The following ARHGAP6 variants were observed in gnomAD, a reference collection of about 807,000 sequenced individuals.
ARHGAP6 encodes the protein rho GTPase-activating protein 6.
Under a neutral mutation model 55.7 loss-of-function variants are expected in ARHGAP6, and 16 were observed. That is an observed-to-expected ratio of 0.29 (90% confidence interval 0.19 to 0.44). ARHGAP6 has a LOEUF of 0.44. ARHGAP6 is among the 20% of genes least tolerant of loss of function. ARHGAP6 has a pLI of 1.00. For missense variants in ARHGAP6, 698 were observed against 808.9 expected (o/e 0.86, Z 1.66); for synonymous variants, 382 against 360.9 (o/e 1.06, Z -0.66).
chrX:11,459,723 C>A (rs377749220), intron 1 of ARHGAP6, among the ~76,000 whole-genome samples: 2 of 111,569 alleles, frequency 1.8e-5, no homozygotes, highest in Admixed American at 9.5e-5. Flanking sequence ...GTTTCATTCA[C>A]CCCAATTACC....
chrX:11,374,159 C>T (rs1042830920), intron 1 of ARHGAP6, among the ~76,000 whole-genome samples: 2 of 111,625 alleles, frequency 1.8e-5, no homozygotes, highest in Admixed American at 9.5e-5. Flanking sequence ...CCTAGCTACC[C>T]TCTCCGTGGT....
intron 1 of ARHGAP6, among the ~76,000 whole-genome samples, chrX:11,266,200 TA>T (rs773916414): frequency 9.1e-6 from 1 of 109,521 alleles, no homozygotes; most frequent in Admixed American, 9.8e-5. Context: ...AGGATTCCTC[TA>T]AAAAAAATCC....
chrX:11,431,895 T>C lies in ARHGAP6; in HGVS notation c.589-177188A>G, dbSNP rs1345583288. Among the ~76,000 whole-genome samples the C allele has an allele frequency of 4.5e-5, 5 of 112,037 alleles. No homozygotes were observed. The East Asian group carries it at 1.4e-3, about 31-fold the overall frequency. ...ATGACTTCACTTCTTCACTTCCCTT[T>C]TACAGCAGGGTTTCTCAACCCCAGC... On this transcript the variant is annotated intron_variant, in intron 1 of 12. Transcript: ENST00000337414.
chrX:11,324,667 G>C (rs953009868), intron 1 of ARHGAP6, among the ~76,000 whole-genome samples: 3 of 111,362 alleles, frequency 2.7e-5, no homozygotes, highest in Non-Finnish European at 5.7e-5. Flanking sequence ...GCAATGACAT[G>C]GTAAAATTCC....
At chrX:11,353,941 CT>C (rs1181503304) in intron 1 of ARHGAP6, among the ~76,000 whole-genome samples, 1 of 110,922 alleles carries the variant, frequency 9.0e-6, no homozygotes, top group Non-Finnish European at 1.9e-5. Context: ...CAAAGAAATG[CT>C]TAGAAAGCCC....
intron 1 of ARHGAP6, among the ~76,000 whole-genome samples, chrX:11,478,941 G>C (rs567941009): frequency 8.9e-6 from 1 of 111,908 alleles, no homozygotes; most frequent in Non-Finnish European, 1.9e-5. Context: ...CTCATAGAAG[G>C]GATTCTAAAT....
At chrX:11,541,145 A>C (rs1012114943) in intron 1 of ARHGAP6, among the ~76,000 whole-genome samples, 1 of 112,340 alleles carries the variant, frequency 8.9e-6, no homozygotes, top group African/African-American at 3.2e-5. Context: ...GAGGAGAGGC[A>C]TGCCACACCA....
chrX:11,317,386 G>A (rs2048371670), intron 1 of ARHGAP6, among the ~76,000 whole-genome samples: 2 of 111,794 alleles, frequency 1.8e-5, no homozygotes, highest in South Asian at 3.8e-4. Flanking sequence ...TCCTGGGGTG[G>A]TCACCCACAG....
chrX:11,577,468 T>A (rs2051614008), intron 1 of ARHGAP6, among the ~76,000 whole-genome samples: 1 of 111,737 alleles, frequency 8.9e-6, no homozygotes. Context: ...GCTCCTAGGA[T>A]CATTAACTCT....
At chrX:11,411,552 G>A (rs1335788648) in intron 1 of ARHGAP6, among the ~76,000 whole-genome samples, 1 of 109,604 alleles carries the variant, frequency 9.1e-6, no homozygotes, top group Non-Finnish European at 1.9e-5. Flanking sequence ...TAGAAGTCTG[G>A]TGTCTAGTTC....
chrX:11,450,274 A>G (rs979336512), intron 1 of ARHGAP6, among the ~76,000 whole-genome samples: 47 of 108,598 alleles, frequency 4.3e-4, no homozygotes, highest in African/African-American at 1.4e-3. Context: ...GTTTGATCCC[A>G]GGTTGATGAA....
chrX:11,488,910 T>C (rs1205816906), intron 1 of ARHGAP6, among the ~76,000 whole-genome samples: 1 of 111,846 alleles, frequency 8.9e-6, no homozygotes, highest in Non-Finnish European at 1.9e-5. Context: ...ACACCTTCTA[T>C]ACCTCTCTGT....
chrX:11,488,001 G>C (rs1431316590), intron 1 of ARHGAP6, among the ~76,000 whole-genome samples: 3 of 112,219 alleles, frequency 2.7e-5, no homozygotes, highest in Admixed American at 9.4e-5. Context: ...CATATAACTT[G>C]AAGTTAATTA....
intron 8 of ARHGAP6, among the ~76,000 whole-genome samples, chrX:11,177,516 C>T (rs988746520): frequency 8.1e-5 from 9 of 111,076 alleles, no homozygotes; most frequent in African/African-American, 3.0e-4. Flanking sequence ...AGATCAGACC[C>T]AGTTTCCTCC....
intron 1 of ARHGAP6, among the ~76,000 whole-genome samples, chrX:11,457,842 C>T (rs2050208011): frequency 8.9e-6 from 1 of 112,179 alleles, no homozygotes. Context: ...CACTTTCCCA[C>T]AGCAGTAACC....
intron 2 of ARHGAP6, among the ~76,000 whole-genome samples, chrX:11,246,597 G>C (rs1367958210): frequency 8.9e-6 from 1 of 112,012 alleles, no homozygotes; most frequent in Non-Finnish European, 1.9e-5. Flanking sequence ...CCAATAAGAC[G>C]TAGCCCTACT....
At chrX:11,650,201 T>C (rs756902712) in intron 1 of ARHGAP6, among the ~76,000 whole-genome samples, 2 of 110,649 alleles carry the variant, frequency 1.8e-5, no homozygotes, top group African/African-American at 3.3e-5. Flanking sequence ...CTCACTATGT[T>C]ACCCAGGCTG....
intron 10 of ARHGAP6, among the ~76,000 whole-genome samples, chrX:11,149,611 T>C (rs1012854517): frequency 8.0e-5 from 9 of 111,961 alleles, no homozygotes; most frequent in Non-Finnish European, 1.5e-4. Flanking sequence ...CCCTTTCTGA[T>C]ATGAAAAATC....
chrX:11,443,207 TTA>T (rs1234015628), intron 1 of ARHGAP6, among the ~76,000 whole-genome samples: 2 of 112,690 alleles, frequency 1.8e-5, no homozygotes, highest in Non-Finnish European at 3.8e-5. Flanking sequence ...CTTGTCAATA[TTA>T]TATGTTGTAG....
Sources: allele counts gnomAD v4.1 joint callset (sites outside exome capture counted in the v4.1 genomes callset), GRCh38; gene constraint gnomAD v4.1.1; transcripts MANE v1.5; gene names NCBI Gene and HGNC (gene_info 2026-07-23, HGNC 2026-07-21).